Variants in SLC30A8 observed in about 807,000 individuals in gnomAD.
SLC30A8 encodes solute carrier family 30 member 8.
SLC30A8 carries 27 observed loss-of-function variants against 36.9 expected under a neutral mutation model. The ratio of observed to expected loss-of-function variants is 0.73; its 90% CI spans 0.54 to 1.01. The LOEUF (loss-of-function observed/expected upper bound fraction) is 1.01. Among genes scored for constraint, SLC30A8 ranks in the 50% least tolerant of loss-of-function variants. SLC30A8 has a pLI of 0.00. For synonymous variants in SLC30A8, 164 were observed against 172.4 expected, an observed-to-expected ratio of 0.95 and a Z score of 0.38; for missense variants, 439 against 452.0, an observed-to-expected ratio of 0.97 and a Z score of 0.26.
intron 1 of SLC30A8, among the ~76,000 whole-genome samples, chr8:116,979,497 C>T (rs1276700099): frequency 6.6e-6 from 1 of 152,198 alleles, no homozygotes; most frequent in African/African-American, 2.4e-5. Context: ...TAGTGGTCCT[C>T]TGATGAGACT....
At chr8:117,009,031 A>G (rs1816263773) in intron 1 of SLC30A8, among the ~76,000 whole-genome samples, 2 of 152,174 alleles carry the variant, frequency 1.3e-5, no homozygotes, top group Non-Finnish European at 2.9e-5. Flanking sequence ...GATGTTTGTA[A>G]AGTATCCTGA....
At chr8:117,078,783 G>GC (rs1818570421) in intron 2 of SLC30A8, among the ~76,000 whole-genome samples, 2 of 151,982 alleles carry the variant, frequency 1.3e-5, no homozygotes, top group African/African-American at 4.8e-5. Context: ...ACTACCTTGG[G>GC]CGCAGGTGGT....
chr8:116,974,874 A>G (rs140205671), intron 1 of SLC30A8, among the ~76,000 whole-genome samples: 4,184 of 152,174 alleles, frequency 0.027, 179 homozygotes, highest in African/African-American at 0.094. Flanking sequence ...GGATGAGTTC[A>G]TGTCCTTTGT....
chr8:117,167,469 T>C (rs1355441320), intron 6 of SLC30A8, among the ~76,000 whole-genome samples: 7 of 132,624 alleles, frequency 5.3e-5, no homozygotes, highest in African/African-American at 1.8e-4. Flanking sequence ...CCAAAGATAT[T>C]TGTGCATTTG....
At chr8:117,068,838 A>C (rs1326059306) in intron 2 of SLC30A8, among the ~76,000 whole-genome samples, 1 of 152,018 alleles carries the variant, frequency 6.6e-6, no homozygotes, top group East Asian at 1.9e-4. Flanking sequence ...TGGCCTCTGA[A>C]AGTGCTGGGA....
upstream of SLC30A8, among the ~76,000 whole-genome samples, chr8:117,134,207 G>A (rs1821255593): frequency 1.3e-5 from 2 of 151,742 alleles, no homozygotes; most frequent in South Asian, 4.2e-4. Flanking sequence ...GGTTATTCTG[G>A]GACTTAACTA....
chr8:116,957,005 A>G (rs564394278), intron 1 of SLC30A8, among the ~76,000 whole-genome samples: 1 of 152,122 alleles, frequency 6.6e-6, no homozygotes, highest in African/African-American at 2.4e-5. Flanking sequence ...AATACTCATG[A>G]TATGAGTGCA....
chr8:116,989,500 TAAGTA>T (rs1336013106), intron 1 of SLC30A8, among the ~76,000 whole-genome samples: 1 of 152,234 alleles, frequency 6.6e-6, no homozygotes, highest in Non-Finnish European at 1.5e-5. Flanking sequence ...TTTATTCAGT[TAAGTA>T]AATTAAACAA....
At chr8:117,115,014 TTCTCCTG>T (rs1416303982) in intron 2 of SLC30A8, among the ~76,000 whole-genome samples, 1 of 152,096 alleles carries the variant, frequency 6.6e-6, no homozygotes, top group East Asian at 1.9e-4. Context: ...GCTCAGGTGA[TTCTCCTG>T]TCTCAGCCTC....
intron 2 of SLC30A8, among the ~76,000 whole-genome samples, chr8:117,076,724 ATCTC>A: frequency 6.6e-6 from 1 of 151,614 alleles, no homozygotes; most frequent in East Asian, 1.9e-4. Flanking sequence ...TTATTTATCT[ATCTC>A]CACTGGACTC....
At chr8:117,132,765 A>T (rs1046375978), upstream of SLC30A8, among the ~76,000 whole-genome samples, 1 of 152,026 alleles carries the variant, frequency 6.6e-6, no homozygotes, top group Non-Finnish European at 1.5e-5. Context: ...AGAGGGAATG[A>T]CGGTGCAGTT....
intron 1 of SLC30A8, among the ~76,000 whole-genome samples, chr8:117,024,952 A>G (rs57830480): frequency 0.024 from 3,564 of 151,540 alleles, 137 homozygotes; most frequent in African/African-American, 0.081. Context: ...TCTTCCTGAT[A>G]CTCTCTCTTT....
At chr8:117,010,396 C>G (rs771910960) in intron 1 of SLC30A8, among the ~76,000 whole-genome samples, 1 of 152,162 alleles carries the variant, frequency 6.6e-6, no homozygotes, top group African/African-American at 2.4e-5. Flanking sequence ...GGCAGCTCCA[C>G]GGCCTAGTAG....
chr8:116,988,801 T>C (rs143565281), intron 1 of SLC30A8, among the ~76,000 whole-genome samples: 226 of 152,346 alleles, frequency 1.5e-3, no homozygotes, highest in African/African-American at 5.2e-3. Flanking sequence ...AAGGCTTACA[T>C]TGGCAACTAT....
chr8:117,147,208 T>G, intron 2 of SLC30A8, 55 bp downstream of exon 2: 1 of 1,491,508 alleles, frequency 6.7e-7, no homozygotes, highest in Middle Eastern at 2.3e-4. Context: ...CTCTGCATCA[T>G]TATGGGAGGG....
intron 1 of SLC30A8, among the ~76,000 whole-genome samples, chr8:117,027,795 T>A (rs1337363291): frequency 7.9e-5 from 12 of 152,216 alleles, no homozygotes; most frequent in Admixed American, 7.9e-4. Flanking sequence ...GCCACCCTGC[T>A]GTCACCTTTG....
At chr8:117,003,881 C>G (rs1007070071) in intron 1 of SLC30A8, among the ~76,000 whole-genome samples, 12 of 152,106 alleles carry the variant, frequency 7.9e-5, no homozygotes, top group African/African-American at 2.9e-4. Flanking sequence ...GCTTATTATC[C>G]TCTACAAGTC....
chr8:117,153,908 TAAGA>T (rs1355679329), intron 3 of SLC30A8, among the ~76,000 whole-genome samples: 4 of 152,114 alleles, frequency 2.6e-5, no homozygotes, highest in African/African-American at 9.7e-5. Context: ...CCACTCTGAT[TAAGA>T]AAGGGAGAGA....
intron 1 of SLC30A8, among the ~76,000 whole-genome samples, chr8:116,958,789 T>C (rs1324317429): frequency 6.6e-6 from 1 of 151,728 alleles, no homozygotes; most frequent in African/African-American, 2.4e-5. Flanking sequence ...AATCTACTTA[T>C]ATGTATATTA....
Sources: gnomAD v4.1 joint callset for allele counts (sites outside exome capture counted in the v4.1 genomes callset) on GRCh38, gnomAD v4.1.1 for gene constraint, MANE v1.5 for transcripts, NCBI Gene and HGNC (gene_info 2026-07-23, HGNC 2026-07-21) for gene names.